ESCO1: variants seen among roughly 807,000 people sequenced by gnomAD.
ESCO1 encodes the protein establishment of sister chromatid cohesion N-acetyltransferase 1, also known as N-acetyltransferase ESCO1.
A neutral mutation model predicts 83.5 loss-of-function variants in ESCO1; 33 were observed. That is an observed-to-expected ratio of 0.40 (90% CI 0.30 to 0.53). The LOEUF (loss-of-function observed/expected upper bound fraction) is 0.53. ESCO1 is among the 20% of genes least tolerant of loss of function. The pLI is 0.63. For synonymous variants in ESCO1, 332 were observed against 324.3 expected, an observed-to-expected ratio of 1.02 and a Z score of -0.25; for missense variants, 855 against 968.0, an observed-to-expected ratio of 0.88 and a Z score of 1.55.
chr18:21,585,818 C>T (rs1034823718), intron 1 of ESCO1, among the ~76,000 whole-genome samples: 3 of 151,968 alleles, frequency 2.0e-5, no homozygotes, highest in African/African-American at 7.3e-5. Flanking sequence ...GTCTCAAACC[C>T]CCGGGCTCAA....
rs577739635 is a variant in ESCO1 at position 21,574,752 on chromosome 18, G to C, written c.92C>G (p.Ser31Cys). The C allele has an allele frequency of 1.9e-6, 3 of 1,608,610 alleles. No individual in the cohort carries two copies. The highest frequency in any genetic ancestry group is 2.7e-5 in the African/African-American group (2 of 74,928). ...DKNSETEIQD[S>C]QKNLAKKSGP... The stretch of plus-strand genomic sequence containing the variant: ...TGATTTTTTTGCTAGATTCTTTTGA[G>C]AATCCTGAATTTCTGTTTCTGAATT... The change falls in exon 4 of 12, where the codon TCT becomes TGT. Residue 31 changes from serine (S) to cysteine (C), a missense_variant. Transcript: ENST00000269214.
chr18:21,532,519 T>G lies in ESCO1; in HGVS notation c.2329A>C (p.Met777Leu). 6.2e-7 allele frequency: 1 copy of G among 1,613,978 alleles called. No individual in the cohort carries two copies. The highest frequency in any genetic ancestry group is 8.5e-7 in the Non-Finnish European group (1 of 1,179,830). Reference protein sequence around the residue: ...CGISRIWVFSMMRRKKIASRM... With the variant: ...CGISRIWVFSLMRRKKIASRM... ...GAAGCAATTTTCTTCCGACGCATCA[T>G]GCTGAATACCCATATTCGACTGATC... Residue 777 changes from methionine to leucine, a missense_variant, in exon 11 of 12, where the codon ATG (methionine) becomes CTG (leucine). By Grantham distance (15) the Met-to-Leu change is conservative. Coordinates refer to ENST00000269214, the MANE Select transcript of ESCO1 (RefSeq NM_052911.3).
intron 2 of ESCO1, among the ~76,000 whole-genome samples, chr18:21,581,000 T>C (rs1043451128): frequency 4.1e-5 from 6 of 146,452 alleles, no homozygotes; most frequent in Non-Finnish European, 9.0e-5. Flanking sequence ...AAACGGAGTC[T>C]CATTCTGTCA....
intron 7 of ESCO1, among the ~76,000 whole-genome samples, chr18:21,562,517 G>A (rs572287295): frequency 5.7e-4 from 86 of 151,714 alleles, no homozygotes; most frequent in African/African-American, 1.9e-3. Flanking sequence ...ACGCATGTCT[G>A]TTAGTCCCAG....
At chr18:21,562,508 C>T (rs189198545) in intron 7 of ESCO1, among the ~76,000 whole-genome samples, 34 of 151,704 alleles carry the variant, frequency 2.2e-4, no homozygotes, top group African/African-American at 7.5e-4. Context: ...TGTGTGGTGA[C>T]GCATGTCTGT....
intron 1 of ESCO1, among the ~76,000 whole-genome samples, chr18:21,584,731 A>G (rs2038550207): frequency 6.6e-6 from 1 of 152,108 alleles, no homozygotes; most frequent in African/African-American, 2.4e-5. Context: ...AGGTGGGCGT[A>G]TCACCTGAGC....
At chr18:21,546,269 G>A (rs146835770) in intron 8 of ESCO1, among the ~76,000 whole-genome samples, 1 of 152,174 alleles carries the variant, frequency 6.6e-6, no homozygotes, top group Admixed American at 6.5e-5. Flanking sequence ...ACAAAAACAG[G>A]CCTGGTGCAG....
intron 9 of ESCO1, among the ~76,000 whole-genome samples, chr18:21,538,287 T>TAAAAA (rs34369531): frequency 2.4e-5 from 3 of 124,744 alleles, no homozygotes; most frequent in South Asian, 2.5e-4. Flanking sequence ...CCCTGTCTCT[T>TAAAAA]AAAAAAAAAA....
At chr18:21,566,495 G>T (rs2038261920) in intron 5 of ESCO1, among the ~76,000 whole-genome samples, 1 of 152,108 alleles carries the variant, frequency 6.6e-6, no homozygotes, top group South Asian at 2.1e-4. Context: ...TAAGGAAATT[G>T]TTTCAATGCC....
At chr18:21,530,582 A>G in intron 11 of ESCO1, 92 bp from the exon 12 acceptor site, 1 of 1,275,088 alleles carries the variant, frequency 7.8e-7, no homozygotes, top group Non-Finnish European at 1.1e-6. Flanking sequence ...AACCTGTCAA[A>G]TACAATTTGA....
intron 8 of ESCO1, among the ~76,000 whole-genome samples, chr18:21,547,385 T>C (rs1323975411): frequency 6.7e-6 from 1 of 149,256 alleles, no homozygotes; most frequent in East Asian, 2.0e-4. Flanking sequence ...AGAAAAAGAG[T>C]TAATTTGCTA....
At chr18:21,599,471 CTA>C (rs763931063) in intron 1 of ESCO1, among the ~76,000 whole-genome samples, 1 of 152,160 alleles carries the variant, frequency 6.6e-6, no homozygotes, top group Non-Finnish European at 1.5e-5. Flanking sequence ...CAACTGAAAT[CTA>C]TGTTTTATCC....
chr18:21,560,754 TA>T, intron 8 of ESCO1, 104 bp downstream of exon 8: 1 of 1,414,550 alleles, frequency 7.1e-7, no homozygotes, highest in Non-Finnish European at 9.5e-7. Flanking sequence ...TATTATCTCT[TA>T]AAAACATAAA....
At position 21,563,439 on chromosome 18, in the gene ESCO1, C is replaced by T. The variant is rs528962019; in HGVS notation, c.1821+764G>A. Among the ~76,000 whole-genome samples, 20 of 152,288 alleles carry T rather than the reference C, an allele frequency of 1.3e-4. No homozygotes were observed. In the South Asian group the frequency reaches 1.4e-3, roughly 11 times the overall value. On this transcript the variant is annotated intron_variant, in intron 7 of 11. Transcript: ENST00000269214. ...CTCAGCTCACTGCAACCTCTGCCTG[C>T]CAGGTTCATGCGACTCTCCTGCCTC...
intron 8 of ESCO1, among the ~76,000 whole-genome samples, chr18:21,541,345 A>C (rs778562001): frequency 2.0e-5 from 3 of 152,154 alleles, no homozygotes; most frequent in Non-Finnish European, 2.9e-5. Context: ...TCACGCCTGT[A>C]ATCCCAGCAC....
chr18:21,557,070 C>T (rs552402331), intron 8 of ESCO1, among the ~76,000 whole-genome samples: 6 of 152,298 alleles, frequency 3.9e-5, no homozygotes, highest in Non-Finnish European at 8.8e-5. Context: ...TAATTCAGCA[C>T]TATACATGCC....
intron 4 of ESCO1, among the ~76,000 whole-genome samples, chr18:21,572,076 G>A (rs1412737471): frequency 2.6e-5 from 4 of 152,084 alleles, no homozygotes; most frequent in Non-Finnish European, 5.9e-5. Context: ...GAAATGACTT[G>A]ACTTTTTTCT....
At chr18:21,598,679 A>G (rs2038798708) in intron 1 of ESCO1, among the ~76,000 whole-genome samples, 1 of 152,032 alleles carries the variant, frequency 6.6e-6, no homozygotes, top group Non-Finnish European at 1.5e-5. Context: ...TCCAGCCCGG[A>G]CGACAGAGTG....
Position 21,600,684 on chromosome 18 carries a change from A to T in ESCO1, c.-886T>A, listed in dbSNP as rs1197264182. 6.6e-6 allele frequency: 1 copy of T among 152,272 alleles called. No individual in the cohort carries two copies. The highest frequency in any genetic ancestry group is 1.5e-5 in the Non-Finnish European group (1 of 68,068). 9.4% of individuals were successfully genotyped at this position (152,272 alleles called of 1,614,324 possible). On this transcript the variant is annotated 5_prime_UTR_variant, in exon 1 of 12. Transcript: ENST00000269214. ...GCGGATCGCCTCACATCCGGGTATC[A>T]GGAGACACTCAGCTGCTTCTGCTGC...
Sources: allele counts gnomAD v4.1 joint callset (sites outside exome capture counted in the v4.1 genomes callset), GRCh38; gene constraint gnomAD v4.1.1; transcripts MANE v1.5; gene names NCBI Gene and HGNC (gene_info 2026-07-23, HGNC 2026-07-21).